The following KCNC2 variants were observed in gnomAD, a reference collection of about 807,000 sequenced individuals.
The protein encoded by KCNC2 is voltage-gated potassium channel KCNC2.
KCNC2 carries 21 observed loss-of-function variants against 44.5 expected under a neutral mutation model. The observed-to-expected ratio is 0.47, with a 90% CI of 0.33 to 0.68. The LOEUF is 0.68. Among genes scored for constraint, KCNC2 ranks in the 30% least tolerant of loss-of-function variants. The pLI, the probability that KCNC2 is intolerant of heterozygous loss-of-function variation, is 0.01. For missense variants in KCNC2, 589 were observed against 826.2 expected, an observed-to-expected ratio of 0.71 and a Z score of 3.52; for synonymous variants, 391 against 339.1, an observed-to-expected ratio of 1.15 and a Z score of -1.68.
chr12:75,091,044 T>C (rs986476731), intron 2 of KCNC2, among the ~76,000 whole-genome samples: 2 of 151,710 alleles, frequency 1.3e-5, no homozygotes, highest in Non-Finnish European at 3.0e-5. Flanking sequence ...GTACATAATC[T>C]TAAGTTGTTT....
intron 2 of KCNC2, among the ~76,000 whole-genome samples, chr12:75,112,093 A>G (rs1050387015): frequency 6.6e-6 from 1 of 152,084 alleles, no homozygotes; most frequent in South Asian, 2.1e-4. Flanking sequence ...AATGTCTGTT[A>G]CAATTTATTT....
At position 75,040,722 on chromosome 12, in the gene KCNC2, C is replaced by A; in HGVS notation, c.*2383G>T. 5.9e-6 allele frequency: 1 copy of A among 168,724 alleles called. No individual in the cohort carries two copies. Among genetic ancestry groups the A allele is most frequent in the East Asian group, 1.5e-4 (1 of 6,512 alleles). 10.5% of individuals were successfully genotyped at this position (168,724 alleles called of 1,614,324 possible). A position where few individuals can be genotyped will look rare whatever the true frequency, so the allele number is the denominator to read the frequency against. On this transcript the variant is annotated 3_prime_UTR_variant, in exon 5 of 5. Transcript: ENST00000549446. The stretch of plus-strand genomic sequence containing the variant: ...GTAATTTATAAGAAAATTATACAAT[C>A]AAGTTCATAGATTCAACCAAAGAAG...
chr12:75,104,310 A>C (rs1392075602), intron 2 of KCNC2, among the ~76,000 whole-genome samples: 2 of 152,172 alleles, frequency 1.3e-5, no homozygotes, highest in Non-Finnish European at 2.9e-5. Context: ...AGTAGAATGG[A>C]GCAGGATGGA....
At chr12:75,129,055 G>A in intron 2 of KCNC2, among the ~76,000 whole-genome samples, 1 of 152,142 alleles carries the variant, frequency 6.6e-6, no homozygotes, top group Non-Finnish European at 1.5e-5. Context: ...AGGTTACCAG[G>A]GTGCCAACTT....
At chr12:75,158,407 T>C (rs182144809) in intron 2 of KCNC2, among the ~76,000 whole-genome samples, 1,633 of 151,800 alleles carry the variant, frequency 0.011, 31 homozygotes, top group African/African-American at 0.037. Flanking sequence ...GATTATATTT[T>C]TAGATACACT....
intron 2 of KCNC2, among the ~76,000 whole-genome samples, chr12:75,151,516 T>A (rs1890391572): frequency 6.6e-6 from 1 of 151,798 alleles, no homozygotes. Context: ...AATGAATAGC[T>A]CACAGTCAAA....
At chr12:75,131,957 C>T (rs1888878590) in intron 2 of KCNC2, among the ~76,000 whole-genome samples, 1 of 152,070 alleles carries the variant, frequency 6.6e-6, no homozygotes, top group Admixed American at 6.6e-5. Context: ...TTATTTTAAA[C>T]CACGAAGATT....
chr12:75,092,163 C>A (rs1193424833), intron 2 of KCNC2, among the ~76,000 whole-genome samples: 1 of 151,552 alleles, frequency 6.6e-6, no homozygotes, highest in Non-Finnish European at 1.5e-5. Flanking sequence ...CCCTATATAA[C>A]TCCTAGTGAC....
intron 2 of KCNC2, among the ~76,000 whole-genome samples, chr12:75,086,699 T>TATATATATATATATAC (rs1339170718): frequency 6.5e-5 from 9 of 138,876 alleles, no homozygotes; most frequent in African/African-American, 1.9e-4. Context: ...TATATATATA[T>TATATATATATATATAC]ACACACACAT....
At chr12:75,128,049 A>C (rs1888561492) in intron 2 of KCNC2, among the ~76,000 whole-genome samples, 1 of 152,194 alleles carries the variant, frequency 6.6e-6, no homozygotes, top group African/African-American at 2.4e-5. Flanking sequence ...TAATAATCAC[A>C]AAATTATACA....
chr12:75,191,800 C>T (rs954532943), intron 2 of KCNC2, among the ~76,000 whole-genome samples: 1 of 151,766 alleles, frequency 6.6e-6, no homozygotes, highest in South Asian at 2.1e-4. Context: ...CCACCCGCCT[C>T]GGCCTCCCAA....
chr12:75,058,078 T>C (rs554560353), intron 2 of KCNC2, among the ~76,000 whole-genome samples: 1 of 152,116 alleles, frequency 6.6e-6, no homozygotes, highest in East Asian at 1.9e-4. Flanking sequence ...CAAAATTAGG[T>C]AACCAGAATT....
In KCNC2 at chr12:75,135,524, G is replaced by A. The variant is rs1246406882; in HGVS notation, c.687+71773C>T. On this transcript the variant is annotated intron_variant, in intron 2 of 4. Coordinates refer to ENST00000549446, the MANE Select transcript of KCNC2 (RefSeq NM_139137.4). Reference sequence around the variant, plus strand: ...ATATTCAAACTTCAGACATTGTTTTGAAGACAAATATTTTTAGTCCAAGTA... The same window carrying A: ...ATATTCAAACTTCAGACATTGTTTTAAAGACAAATATTTTTAGTCCAAGTA... Among the ~76,000 whole-genome samples, 3 of 151,956 alleles carry A rather than the reference G, an allele frequency of 2.0e-5. No homozygotes were observed. In the East Asian group the frequency reaches 5.8e-4, roughly 29 times the overall value.
chr12:75,170,747 G>T (rs1326997169), intron 2 of KCNC2, among the ~76,000 whole-genome samples: 3 of 151,528 alleles, frequency 2.0e-5, no homozygotes, highest in Admixed American at 6.6e-5. Flanking sequence ...GTTAACTTTT[G>T]TCAACAGCTC....
Position 75,107,259 on chromosome 12 carries a change from A to G in KCNC2, c.688-55942T>C, listed in dbSNP as rs192995065. Among the ~76,000 whole-genome samples, 249 of 152,216 alleles carry G rather than the reference A, an allele frequency of 1.6e-3. 2 individuals are homozygous for G. The highest frequency in any genetic ancestry group is 5.7e-3 in the African/African-American group (235 of 41,544). ...GTGGAGGTTGCAGTGAGCCAAGATC[A>G]CGCCACTGCAATCCAGCCTGGGTGA... On this transcript the variant is annotated intron_variant, in intron 2 of 4. Transcript: ENST00000549446.
chr12:75,167,581 A>G (rs1234449565), intron 2 of KCNC2, among the ~76,000 whole-genome samples: 3 of 151,512 alleles, frequency 2.0e-5, no homozygotes, highest in Admixed American at 6.6e-5. Context: ...ATAAAATCCA[A>G]AAATTAAGAA....
intron 2 of KCNC2, among the ~76,000 whole-genome samples, chr12:75,086,305 G>C (rs924666397): frequency 2.0e-5 from 3 of 151,964 alleles, no homozygotes; most frequent in African/African-American, 7.3e-5. Context: ...AACCACAAAT[G>C]GTTCCTGGCT....
At chr12:75,173,471 C>A (rs1891969798) in intron 2 of KCNC2, among the ~76,000 whole-genome samples, 2 of 151,806 alleles carry the variant, frequency 1.3e-5, no homozygotes, top group African/African-American at 4.8e-5. Flanking sequence ...CATAGTTCCT[C>A]ATTTCTCACA....
chr12:75,181,783 A>G (rs996790237), intron 2 of KCNC2, among the ~76,000 whole-genome samples: 3 of 152,114 alleles, frequency 2.0e-5, no homozygotes, highest in Admixed American at 2.0e-4. Context: ...CACTGTGCCA[A>G]TGTCACAGTT....
Sources: allele counts gnomAD v4.1 joint callset (sites outside exome capture counted in the v4.1 genomes callset), GRCh38; gene constraint gnomAD v4.1.1; transcripts MANE v1.5; gene names NCBI Gene and HGNC (gene_info 2026-07-23, HGNC 2026-07-21).